SGCD: variants seen among roughly 807,000 people sequenced by gnomAD.
SGCD encodes sarcoglycan delta.
In SGCD, 18 loss-of-function variants were observed where a neutral mutation model predicts 36.6. That is an observed-to-expected ratio of 0.49 (90% confidence interval 0.34 to 0.73). The LOEUF is 0.73. Among genes scored for constraint, SGCD ranks in the 30% least tolerant of loss-of-function variants. SGCD has a pLI of 0.01. For missense variants in SGCD, 387 were observed against 346.7 expected (o/e 1.12, Z -0.92); for synonymous variants, 133 against 130.6 (o/e 1.02, Z -0.12).
chr5:156,602,387 T>A (rs764538462), intron 6 of SGCD, among the ~76,000 whole-genome samples: 1 of 152,144 alleles, frequency 6.6e-6, no homozygotes, highest in Non-Finnish European at 1.5e-5. Flanking sequence ...ATATGTTATA[T>A]ATAAAATCTT....
intron 4 of SGCD, among the ~76,000 whole-genome samples, chr5:156,544,130 C>G (rs1758464011): frequency 1.3e-5 from 2 of 152,116 alleles, no homozygotes; most frequent in African/African-American, 2.4e-5. Context: ...GAGCAATATC[C>G]CTTAGTCTAG....
chr5:156,093,670 C>A lies in SGCD; in HGVS notation c.-281-24208C>A, dbSNP rs1761304041. Among the ~76,000 whole-genome samples the A allele has an allele frequency of 2.6e-5, 4 of 152,158 alleles. No individual in the cohort carries two copies. In the South Asian group the frequency reaches 8.3e-4, roughly 32 times the overall value. On this transcript the variant is annotated intron_variant, in intron 1 of 9. Transcript: ENST00000517913. Reference sequence around the variant, plus strand: ...GGGTTTGTGCGTGGAGCAACTCCAGCAGGATCAGGATTATTATTTGGATTG... The same window carrying A: ...GGGTTTGTGCGTGGAGCAACTCCAGAAGGATCAGGATTATTATTTGGATTG...
At chr5:156,055,165 T>C (rs1760028672) in intron 1 of SGCD, among the ~76,000 whole-genome samples, 1 of 145,744 alleles carries the variant, frequency 6.9e-6, no homozygotes, top group Non-Finnish European at 1.5e-5. Flanking sequence ...TTTTTCCCCA[T>C]AGAAGAATTC....
chr5:155,893,964 T>C (rs982270286), intron 1 of SGCD, among the ~76,000 whole-genome samples: 3 of 152,244 alleles, frequency 2.0e-5, no homozygotes, highest in Admixed American at 2.0e-4. Context: ...TATCTAAAAA[T>C]AGAAAAGGTA....
intron 1 of SGCD, among the ~76,000 whole-genome samples, chr5:155,954,060 A>G (rs1757596868): frequency 6.6e-6 from 1 of 152,178 alleles, no homozygotes; most frequent in Admixed American, 6.5e-5. Context: ...AAAATAGACC[A>G]ATTTCACAAT....
intron 4 of SGCD, among the ~76,000 whole-genome samples, chr5:156,544,640 G>A (rs1758485805): frequency 6.6e-6 from 1 of 151,342 alleles, no homozygotes; most frequent in Admixed American, 6.6e-5. Flanking sequence ...ACTCACACTA[G>A]ACAAGGACAA....
intron 1 of SGCD, among the ~76,000 whole-genome samples, chr5:156,088,210 T>C (rs993179081): frequency 5.9e-5 from 9 of 152,130 alleles, no homozygotes; most frequent in Non-Finnish European, 1.3e-4. Context: ...AACCTGTTTT[T>C]ATAGTGAGAG....
chr5:156,167,922 G>A (rs1209031532), intron 3 of SGCD, among the ~76,000 whole-genome samples: 1 of 152,148 alleles, frequency 6.6e-6, no homozygotes, highest in African/African-American at 2.4e-5. Flanking sequence ...GTTCACCTTG[G>A]TTGATTTCAG....
intron 7 of SGCD, among the ~76,000 whole-genome samples, chr5:156,731,359 T>G (rs1166142322): frequency 6.6e-6 from 1 of 152,216 alleles, no homozygotes; most frequent in Non-Finnish European, 1.5e-5. Flanking sequence ...TCCAGGGTTT[T>G]CAGAGTTTTG....
At chr5:155,820,435 A>C in the SGCD span, among the ~76,000 whole-genome samples, 2 of 152,062 alleles carry the variant, frequency 1.3e-5, no homozygotes, top group Admixed American at 1.3e-4. Context: ...CAAGAGGGGT[A>C]AATTGCTCGA....
At chr5:156,457,095 A>G (rs923581110) in intron 3 of SGCD, among the ~76,000 whole-genome samples, 1 of 152,082 alleles carries the variant, frequency 6.6e-6, no homozygotes, top group African/African-American at 2.4e-5. Flanking sequence ...TTTTATGCTA[A>G]CTTTCTTATT....
At chr5:156,144,600 T>C (rs1762667570) in intron 3 of SGCD, among the ~76,000 whole-genome samples, 2 of 152,256 alleles carry the variant, frequency 1.3e-5, no homozygotes, top group African/African-American at 4.8e-5. Flanking sequence ...TTTTTTCTTA[T>C]AAATTTGTTT....
intron 7 of SGCD, among the ~76,000 whole-genome samples, chr5:156,683,667 A>G (rs1209772062): frequency 6.6e-6 from 1 of 152,188 alleles, no homozygotes; most frequent in Non-Finnish European, 1.5e-5. Flanking sequence ...CCCCTATTCA[A>G]TACCTTGAAC....
intron 7 of SGCD, among the ~76,000 whole-genome samples, chr5:156,663,138 C>T (rs1417589502): frequency 6.7e-6 from 1 of 148,830 alleles, no homozygotes; most frequent in Non-Finnish European, 1.5e-5. Context: ...ATTTCCGCAC[C>T]CCATTGTTGT....
chr5:156,612,374 A>C (rs1355607713), intron 6 of SGCD, among the ~76,000 whole-genome samples: 1 of 152,226 alleles, frequency 6.6e-6, no homozygotes. Context: ...CCAGTGACCT[A>C]GGCTACATGA....
chr5:156,031,737 T>G (rs1759351547), intron 1 of SGCD, among the ~76,000 whole-genome samples: 1 of 152,192 alleles, frequency 6.6e-6, no homozygotes, highest in Non-Finnish European at 1.5e-5. Flanking sequence ...AGCACCAATC[T>G]GTGAGTTGAA....
At chr5:156,077,327 C>T (rs936523497) in intron 1 of SGCD, among the ~76,000 whole-genome samples, 1 of 152,146 alleles carries the variant, frequency 6.6e-6, no homozygotes, top group Non-Finnish European at 1.5e-5. Flanking sequence ...CCCATTTCCC[C>T]CTCTTCTCAG....
At chr5:156,421,644 A>T (rs1773315422) in intron 3 of SGCD, among the ~76,000 whole-genome samples, 1 of 152,074 alleles carries the variant, frequency 6.6e-6, no homozygotes, top group Admixed American at 6.6e-5. Context: ...GATAGGTCAT[A>T]TCTCAATAGC....
intron 4 of SGCD, among the ~76,000 whole-genome samples, chr5:156,537,774 A>G (rs552881244): frequency 6.6e-6 from 1 of 152,064 alleles, no homozygotes; most frequent in East Asian, 1.9e-4. Context: ...CATCCTGTAT[A>G]CAAGGTCTTG....
Sources: allele counts gnomAD v4.1 joint callset (sites outside exome capture counted in the v4.1 genomes callset), GRCh38; gene constraint gnomAD v4.1.1; transcripts MANE v1.5; gene names NCBI Gene and HGNC (gene_info 2026-07-23, HGNC 2026-07-21).